Variants in PDK1 observed in about 807,000 individuals in gnomAD.
PDK1 encodes pyruvate dehydrogenase kinase 1, also known as [Pyruvate dehydrogenase (acetyl-transferring)] kinase isozyme 1, mitochondrial.
In PDK1, 39 loss-of-function variants were observed where a neutral mutation model predicts 54.2. That is an observed-to-expected ratio of 0.72 (90% CI 0.56 to 0.94). The LOEUF is 0.94. Ranked by LOEUF, PDK1 falls within the 40% of genes least tolerant of loss-of-function variation. PDK1 has a pLI of 0.00. For missense variants in PDK1, 552 were observed against 566.0 expected (o/e 0.98, Z 0.25); for synonymous variants, 221 against 207.1 (o/e 1.07, Z -0.58).
Position 172,556,198 on chromosome 2 carries a change from C to T in PDK1, c.48C>T (p.Gly16=). The T allele has an allele frequency of 1.4e-6, 2 of 1,416,650 alleles. No individual in the cohort carries two copies. Among genetic ancestry groups the T allele is most frequent in the Non-Finnish European group, 9.1e-7 (1 of 1,092,944 alleles). The allele number at this position is 1,416,650 out of a possible 1,614,324, so 87.8% of individuals were successfully genotyped here. A position where few individuals can be genotyped will look rare whatever the true frequency, so the allele number is the denominator to read the frequency against. The change falls in exon 1 of 11, where the codon GGC becomes GGT. Residue 16 remains glycine, a synonymous_variant. Coordinates refer to ENST00000282077, the MANE Select transcript of PDK1 (RefSeq NM_002610.5). Reference sequence around the variant, plus strand: ...GCGGAGCCGCCTTGGCCGGCCCGGGCCCGGGGCTGCGCGCCGCCGGCTTCA... The same window carrying T: ...GCGGAGCCGCCTTGGCCGGCCCGGGTCCGGGGCTGCGCGCCGCCGGCTTCA... ...LLRGAALAGP[G]PGLRAAGFSR...
the PDK1 span, among the ~76,000 whole-genome samples, chr2:172,647,948 T>C: frequency 6.6e-6 from 1 of 152,248 alleles, no homozygotes; most frequent in Non-Finnish European, 1.5e-5. Context: ...GTAATATTCG[T>C]GCCAGAAATG....
At chr2:172,691,643 G>T in the PDK1 span, among the ~76,000 whole-genome samples, 1 of 152,222 alleles carries the variant, frequency 6.6e-6, no homozygotes, top group Non-Finnish European at 1.5e-5. Context: ...TTTGCAGAAT[G>T]TCATATAGTT....
chr2:172,570,619 A>G, intron 7 of PDK1, 107 bp from the exon 8 acceptor site: 1 of 552,374 alleles, frequency 1.8e-6, no homozygotes. Context: ...ATTCTTTGGC[A>G]TATTTCCATC....
intron 9 of PDK1, among the ~76,000 whole-genome samples, chr2:172,592,281 T>C (rs932086147): frequency 1.3e-5 from 2 of 152,200 alleles, no homozygotes; most frequent in African/African-American, 4.8e-5. Context: ...TACACTGTTT[T>C]TTCTTTACTA....
chr2:172,605,730 C>T lies in PDK1; in HGVS notation c.*9761C>T, dbSNP rs1331783002. 6.6e-6 allele frequency: 1 copy of T among 152,038 alleles called. No individual in the cohort carries two copies. The highest frequency in any genetic ancestry group is 1.5e-5 in the Non-Finnish European group (1 of 68,004). The allele number at this position is 152,038 out of a possible 1,614,324, so 9.4% of individuals were successfully genotyped here. ...CATGAAAGCTGTGCTGAGTGGGTTT[C>T]TTTAGATTTTCATTTTCATGTTTGC... On this transcript the variant is annotated 3_prime_UTR_variant, in exon 11 of 11. Transcript: ENST00000282077.
At chr2:172,696,397 TACCC>T in the PDK1 span, among the ~76,000 whole-genome samples, 1 of 152,212 alleles carries the variant, frequency 6.6e-6, no homozygotes, top group African/African-American at 2.4e-5. Flanking sequence ...GTTCATGCAC[TACCC>T]AACTCCTGTT....
In PDK1 at chr2:172,603,157, G is replaced by A. The variant is rs1180536223; in HGVS notation, c.*7188G>A. Reference sequence around the variant, plus strand: ...TGGTCTGTGAGCCATACTTTGAGTAGCAAAGGACTAAAGGTTGTGAGATAA... The same window carrying A: ...TGGTCTGTGAGCCATACTTTGAGTAACAAAGGACTAAAGGTTGTGAGATAA... On this transcript the variant is annotated 3_prime_UTR_variant, in exon 11 of 11. Coordinates refer to ENST00000282077, the MANE Select transcript of PDK1 (RefSeq NM_002610.5). The A allele has an allele frequency of 3.3e-5, 5 of 152,194 alleles. No homozygotes were observed. The highest frequency in any genetic ancestry group is 7.3e-5 in the Non-Finnish European group (5 of 68,030). 9.4% of individuals were successfully genotyped at this position (152,194 alleles called of 1,614,324 possible).
chr2:172,635,373 T>C, the PDK1 span, among the ~76,000 whole-genome samples: 1 of 152,298 alleles, frequency 6.6e-6, no homozygotes, highest in South Asian at 2.1e-4. Flanking sequence ...TGGAGCGCAA[T>C]GGTGCGATCT....
chr2:172,723,591 A>G, the PDK1 span: 1 of 152,188 alleles, frequency 6.6e-6, no homozygotes. Flanking sequence ...ATTGTTTTAG[A>G]TCAAAAAAAA....
rs1691037118 is a variant in PDK1 at position 172,599,417 on chromosome 2, A to G, written c.*3448A>G. ...ATCAGAGGAAGCCAAAAATCAGCCA[A>G]CTAATTTCAGTTTATGTCTTTAATT... On this transcript the variant is annotated 3_prime_UTR_variant, in exon 11 of 11. Transcript: ENST00000282077. The G allele has an allele frequency of 6.6e-6, 1 of 152,150 alleles. No individual in the cohort carries two copies. The highest frequency in any genetic ancestry group is 2.1e-4 in the South Asian group (1 of 4,834). The allele number at this position is 152,150 out of a possible 1,614,324, so 9.4% of individuals were successfully genotyped here.
rs901766744 is a variant in PDK1 at position 172,596,092 on chromosome 2, A to G, written c.*123A>G. 2 of 811,328 alleles carry G rather than the reference A, an allele frequency of 2.5e-6. No homozygotes were observed. The highest frequency in any genetic ancestry group is 1.7e-5 in the African/African-American group (1 of 58,626). The allele number at this position is 811,328 out of a possible 1,614,324, so 50.3% of individuals were successfully genotyped here. On this transcript the variant is annotated 3_prime_UTR_variant, in exon 11 of 11. Transcript: ENST00000282077. Reference sequence around the variant, plus strand: ...GTTTTCACAAAACTATTTGAGTAGAATAAATGGAAACTGAATTCCATTTGT... The same window carrying G: ...GTTTTCACAAAACTATTTGAGTAGAGTAAATGGAAACTGAATTCCATTTGT...
intron 9 of PDK1, among the ~76,000 whole-genome samples, chr2:172,591,473 C>T (rs1690583306): frequency 6.6e-6 from 1 of 152,166 alleles, no homozygotes; most frequent in Admixed American, 6.5e-5. Flanking sequence ...GCCAAAGAGT[C>T]TATTTGGGAT....
chr2:172,635,731 C>T, the PDK1 span, among the ~76,000 whole-genome samples: 2 of 152,212 alleles, frequency 1.3e-5, no homozygotes, highest in African/African-American at 4.8e-5. Context: ...ACATAGTGAA[C>T]AAATGACTTG....
At chr2:172,563,293 T>A (rs986408171) in intron 3 of PDK1, among the ~76,000 whole-genome samples, 3 of 152,098 alleles carry the variant, frequency 2.0e-5, no homozygotes, top group African/African-American at 7.2e-5. Flanking sequence ...AAGAAAATAA[T>A]AAAGGAGTGA....
chr2:172,679,258 C>T, the PDK1 span, among the ~76,000 whole-genome samples: 4 of 152,064 alleles, frequency 2.6e-5, no homozygotes, highest in African/African-American at 9.7e-5. Flanking sequence ...CTAGCCTGGG[C>T]AACATAGTGA....
chr2:172,715,250 CCTTTA>C, the PDK1 span, among the ~76,000 whole-genome samples: 1 of 152,096 alleles, frequency 6.6e-6, no homozygotes, highest in Non-Finnish European at 1.5e-5. Context: ...GAGAGGTTTG[CCTTTA>C]CTTTAAGAAG....
At chr2:172,720,004 T>C in the PDK1 span, among the ~76,000 whole-genome samples, 2 of 152,150 alleles carry the variant, frequency 1.3e-5, no homozygotes, top group African/African-American at 2.4e-5. Flanking sequence ...AATGAGCATG[T>C]CTCTTCTTCT....
chr2:172,605,356 G>T lies in PDK1; in HGVS notation c.*9387G>T, dbSNP rs530564637. 7 of 148,008 alleles carry T rather than the reference G, an allele frequency of 4.7e-5. No homozygotes were observed. In the East Asian group the frequency reaches 1.2e-3, roughly 25 times the overall value. The allele number at this position is 148,008 out of a possible 1,614,324, so 9.2% of individuals were successfully genotyped here. ...GAGCTAACTAGACTGTCCAGGTTTG[G>T]TCTACACTGTAATTTTTTTTTTTTT... On this transcript the variant is annotated 3_prime_UTR_variant, in exon 11 of 11. Transcript: ENST00000282077.
chr2:172,637,422 T>C, the PDK1 span, among the ~76,000 whole-genome samples: 37 of 150,296 alleles, frequency 2.5e-4, no homozygotes, highest in Non-Finnish European at 6.0e-5. Context: ...GCCCCGTACC[T>C]GATACACCTT....
Sources: gnomAD v4.1 joint callset for allele counts (sites outside exome capture counted in the v4.1 genomes callset) on GRCh38, gnomAD v4.1.1 for gene constraint, MANE v1.5 for transcripts, NCBI Gene and HGNC (gene_info 2026-07-23, HGNC 2026-07-21) for gene names.